The following RBFOX3 variants were observed in gnomAD, a reference collection of about 807,000 sequenced individuals.
RBFOX3 encodes the protein RNA binding protein fox-1 homolog 3.
RBFOX3 carries 17 observed loss-of-function variants against 48.7 expected under a neutral mutation model. The observed-to-expected ratio is 0.35, with a 90% confidence interval of 0.24 to 0.52. The LOEUF (loss-of-function observed/expected upper bound fraction) is 0.52, where lower values mean the gene tolerates loss of function less well. RBFOX3 is among the 20% of genes least tolerant of loss of function. The pLI is 0.94. For synonymous variants in RBFOX3, 212 were observed against 209.5 expected (o/e 1.01, Z -0.10); for missense variants, 382 against 497.5 (o/e 0.77, Z 2.21).
chr17:79,178,904 C>G (rs1230704426), intron 4 of RBFOX3, among the ~76,000 whole-genome samples: 1 of 152,212 alleles, frequency 6.6e-6, no homozygotes, highest in African/African-American at 2.4e-5. Context: ...GCCAGCAGAC[C>G]AGACCTGGGC....
At chr17:79,640,554 T>C in the RBFOX3 span, among the ~76,000 whole-genome samples, 13,024 of 152,172 alleles carry the variant, frequency 0.086, 718 homozygotes, top group Middle Eastern at 0.15. Context: ...TGATTTCAAA[T>C]ATCACAAAGC....
intron 2 of RBFOX3, among the ~76,000 whole-genome samples, chr17:79,373,036 C>T (rs1343551596): frequency 1.1e-4 from 17 of 152,196 alleles, no homozygotes; most frequent in Admixed American, 9.8e-4. Flanking sequence ...TTATCTCACT[C>T]CTCGGAAGAG....
chr17:79,547,545 C>G (rs1358802691), intron 1 of RBFOX3, among the ~76,000 whole-genome samples: 1 of 152,166 alleles, frequency 6.6e-6, no homozygotes, highest in Non-Finnish European at 1.5e-5. Context: ...CCCAGACAAG[C>G]CCTCCTGAAC....
intron 1 of RBFOX3, among the ~76,000 whole-genome samples, chr17:79,489,210 C>A (rs1362102499): frequency 2.5e-5 from 3 of 122,388 alleles, no homozygotes; most frequent in African/African-American, 9.6e-5. Context: ...GAGAGCGGAA[C>A]ATTTTAGCCT....
At chr17:79,244,095 C>T (rs914166864) in intron 3 of RBFOX3, among the ~76,000 whole-genome samples, 3 of 152,156 alleles carry the variant, frequency 2.0e-5, no homozygotes, top group East Asian at 1.9e-4. Context: ...CATGTCCATC[C>T]GGAACCTTAT....
At position 79,195,446 on chromosome 17, in the gene RBFOX3, T is replaced by A. The variant is rs1184511477; in HGVS notation, c.-34+40320A>T. Among the ~76,000 whole-genome samples the A allele has an allele frequency of 6.6e-6, 1 of 150,864 alleles. No homozygotes were observed. The highest frequency in any genetic ancestry group is 1.5e-5 in the Non-Finnish European group (1 of 67,796). ...AAGAAATGCAAAATGCAAAGCCAAC[T>A]GGGTCTCTTCTTAGAGTAAGGCCGC... On this transcript the variant is annotated intron_variant, in intron 4 of 14. Coordinates refer to ENST00000693108, the MANE Select transcript of RBFOX3 (RefSeq NM_001350451.2). The surrounding 1 kb of genome is among the most constrained non-coding windows in gnomAD (Gnocchi z 5.3).
At chr17:79,626,577 G>A in the RBFOX3 span, among the ~76,000 whole-genome samples, 2 of 152,216 alleles carry the variant, frequency 1.3e-5, no homozygotes, top group African/African-American at 2.4e-5. Flanking sequence ...ATATTCAGCT[G>A]GGCACCTCAT....
In RBFOX3 at chr17:79,252,399, A is replaced by C. The variant is rs2064106530; in HGVS notation, c.-73-16594T>G. Reference sequence around the variant, plus strand: ...CAGTGGTCCCTATTTCAGTGAATGGATCTATCACCCGTCCAAGTGAGCAAG... The same window carrying C: ...CAGTGGTCCCTATTTCAGTGAATGGCTCTATCACCCGTCCAAGTGAGCAAG... On this transcript the variant is annotated intron_variant, in intron 3 of 14. Transcript: ENST00000693108. This position sits in a 1 kb window ranked among gnomAD's most constrained non-coding sequence, Gnocchi z 4.0. 6.6e-6 allele frequency among the ~76,000 whole-genome samples: 1 copy of C among 151,942 alleles called. No individual in the cohort carries two copies. The highest frequency in any genetic ancestry group is 2.4e-5 in the African/African-American group (1 of 41,376).
At chr17:79,579,556 C>G (rs984896666) in intron 1 of RBFOX3, among the ~76,000 whole-genome samples, 2 of 151,998 alleles carry the variant, frequency 1.3e-5, no homozygotes, top group Non-Finnish European at 2.9e-5. Context: ...GCATCCAGCA[C>G]GCGCGAGTGA....
rs1177137899 is a variant in RBFOX3, at chr17:79,117,837, C to T, written c.-33-2089G>A. On this transcript the variant is annotated intron_variant, in intron 4 of 14. Coordinates refer to ENST00000693108, the MANE Select transcript of RBFOX3 (RefSeq NM_001350451.2). ...CCTGCTGGTGGGGCCTGCAGTCCAG[C>T]GGGAAAGGAAAGCTTCAGAGAACAA... Among the ~76,000 whole-genome samples, 6 of 152,234 alleles carry T rather than the reference C, an allele frequency of 3.9e-5. No homozygotes were observed. In the East Asian group the frequency reaches 5.8e-4, roughly 15 times the overall value.
At chr17:79,174,054 A>G (rs1202698499) in intron 4 of RBFOX3, among the ~76,000 whole-genome samples, 2 of 152,080 alleles carry the variant, frequency 1.3e-5, no homozygotes, top group Non-Finnish European at 2.9e-5. Context: ...TAGCTACACC[A>G]GGAGACACAG....
intron 2 of RBFOX3, among the ~76,000 whole-genome samples, chr17:79,419,496 C>A (rs1331995629): frequency 6.6e-6 from 1 of 152,236 alleles, no homozygotes; most frequent in Non-Finnish European, 1.5e-5. Flanking sequence ...TGCCTGTGTG[C>A]ATGTACACAC....
intron 4 of RBFOX3, among the ~76,000 whole-genome samples, chr17:79,178,074 A>G (rs1356529322): frequency 6.6e-6 from 1 of 152,074 alleles, no homozygotes; most frequent in Non-Finnish European, 1.5e-5. Context: ...ATCTGTGTCC[A>G]GGGCCGGAGC....
chr17:79,653,784 TG>T, the RBFOX3 span, among the ~76,000 whole-genome samples: 1 of 148,300 alleles, frequency 6.7e-6, no homozygotes, highest in Non-Finnish European at 1.5e-5. Context: ...TAAAGTTAGC[TG>T]GATTTCCAGC....
rs534943618 is a variant in RBFOX3 at position 79,363,035 on chromosome 17, C to T, written c.-174-55211G>A. Among the ~76,000 whole-genome samples the T allele has an allele frequency of 5.4e-4, 82 of 152,312 alleles. 2 individuals are homozygous for T. The South Asian group carries it at 0.016, about 30-fold the overall frequency. On this transcript the variant is annotated intron_variant, in intron 2 of 14. Transcript: ENST00000693108. This position sits in a 1 kb window ranked among gnomAD's most constrained non-coding sequence, Gnocchi z 4.7. ...GAGTACCTTCTCCAAGTGCAGAAAACGGAGAATTACGGGAAAGTAAAAATT... is the reference window on the plus strand; with the variant it reads ...GAGTACCTTCTCCAAGTGCAGAAAATGGAGAATTACGGGAAAGTAAAAATT...
At position 79,418,258 on chromosome 17, in the gene RBFOX3, C is replaced by A. The variant is rs1457039082; in HGVS notation, c.-175+64196G>T. On this transcript the variant is annotated intron_variant, in intron 2 of 14. Coordinates refer to ENST00000693108, the MANE Select transcript of RBFOX3 (RefSeq NM_001350451.2). This position sits in a 1 kb window ranked among gnomAD's most constrained non-coding sequence, Gnocchi z 5.0. ...ACAACGACAAAAAGTTTTTTCCAAT[C>A]GCAGGGATGTATGTGTTCCATCCAG... Among the ~76,000 whole-genome samples the A allele has an allele frequency of 1.3e-5, 2 of 152,146 alleles. No individual in the cohort carries two copies. The highest frequency in any genetic ancestry group is 4.8e-5 in the African/African-American group (2 of 41,432).
rs1347924880 is a variant in RBFOX3, at chr17:79,089,855, C to G, written c.*1028G>C. On this transcript the variant is annotated 3_prime_UTR_variant, in exon 15 of 15. Transcript: ENST00000693108. The stretch of plus-strand genomic sequence containing the variant: ...CTTGGGAGCAGGGAAGGGGCCGGCC[C>G]AGGCTTCCCCATCCCTTGCCCTTCC... 6.6e-6 allele frequency: 1 copy of G among 152,488 alleles called. No homozygotes were observed. Among genetic ancestry groups the G allele is most frequent in the East Asian group, 1.9e-4 (1 of 5,194 alleles). The allele number at this position is 152,488 out of a possible 1,614,324, so 9.4% of individuals were successfully genotyped here.
intron 1 of RBFOX3, among the ~76,000 whole-genome samples, chr17:79,483,592 C>T (rs910449818): frequency 6.7e-5 from 10 of 150,150 alleles, no homozygotes; most frequent in Non-Finnish European, 1.2e-4. Flanking sequence ...ACGAATTTCC[C>T]CCCAGGGACT....
chr17:79,373,562 G>A (rs746299378), intron 2 of RBFOX3, among the ~76,000 whole-genome samples: 14 of 151,996 alleles, frequency 9.2e-5, no homozygotes, highest in Non-Finnish European at 1.6e-4. Context: ...TGAGCATTTC[G>A]CAAACACTCC....
Sources: gnomAD v4.1 joint callset for allele counts (sites outside exome capture counted in the v4.1 genomes callset) on GRCh38, gnomAD v4.1.1 for gene constraint, Gnocchi (gnomAD v3.1) non-coding constraint, MANE v1.5 for transcripts, NCBI Gene and HGNC (gene_info 2026-07-23, HGNC 2026-07-21) for gene names.